The following RBFOX1 variants were observed in gnomAD, a reference collection of about 807,000 sequenced individuals.
RBFOX1 encodes the protein RNA binding fox-1 homolog 1, also known as RNA binding protein fox-1 homolog 1.
In RBFOX1, 8 loss-of-function variants were observed where a neutral mutation model predicts 57.7. That is an observed-to-expected ratio of 0.14 (90% CI 0.08 to 0.25). The LOEUF (loss-of-function observed/expected upper bound fraction) is 0.25, where lower values mean the gene tolerates loss of function less well. Among genes scored for constraint, RBFOX1 ranks in the 10% least tolerant of loss-of-function variants. RBFOX1 has a pLI of 1.00. For synonymous variants in RBFOX1, 326 were observed against 222.4 expected (o/e 1.47, Z -4.15); for missense variants, 611 against 548.5 (o/e 1.11, Z -1.14).
At chr16:7,597,327 C>G (rs2094756733) in intron 8 of RBFOX1, 44 bp from the exon 9 acceptor site, 2 of 1,432,266 alleles carry the variant, frequency 1.4e-6, no homozygotes, top group Non-Finnish European at 9.6e-7. Context: ...GAATTGGGAG[C>G]TGGCCCTAGA....
intron 2 of RBFOX1, among the ~76,000 whole-genome samples, chr16:6,621,843 T>C (rs138034450): frequency 3.9e-5 from 6 of 152,188 alleles, no homozygotes; most frequent in Non-Finnish European, 5.9e-5. Flanking sequence ...ACAAAACCTA[T>C]TGAGAGACGC....
intron 3 of RBFOX1, among the ~76,000 whole-genome samples, chr16:6,815,970 G>T (rs1245824412): frequency 6.6e-6 from 1 of 152,180 alleles, no homozygotes; most frequent in Non-Finnish European, 1.5e-5. Flanking sequence ...TTAATATTAA[G>T]GTTGGCAAAT....
At chr16:6,664,553 C>G (rs151278929) in intron 3 of RBFOX1, among the ~76,000 whole-genome samples, 2 of 152,304 alleles carry the variant, frequency 1.3e-5, no homozygotes, top group East Asian at 3.9e-4. Context: ...TCCTTTTTCT[C>G]TGCTGAGAAG....
At chr16:6,297,304 C>T (rs1374705730) in intron 1 of RBFOX1, among the ~76,000 whole-genome samples, 1 of 152,122 alleles carries the variant, frequency 6.6e-6, no homozygotes, top group South Asian at 2.1e-4. Flanking sequence ...AGGTCTCAGC[C>T]TCATTTTACC....
intron 3 of RBFOX1, among the ~76,000 whole-genome samples, chr16:6,895,416 ATATGTGTGTGTG>A (rs1172603796): frequency 1.0e-4 from 8 of 79,912 alleles, no homozygotes; most frequent in East Asian, 7.8e-4. Flanking sequence ...TGTTAGTAAT[ATATGTGTGTGTG>A]TGTGTGTGTG....
chr16:7,378,930 A>C (rs927060150), intron 4 of RBFOX1, among the ~76,000 whole-genome samples: 9 of 152,230 alleles, frequency 5.9e-5, no homozygotes, highest in Admixed American at 3.3e-4. Context: ...AAGACACAAC[A>C]GGAGAGCACA....
At chr16:5,704,677 T>G (rs925457738) in intron 3 of RBFOX1, among the ~76,000 whole-genome samples, 1 of 152,202 alleles carries the variant, frequency 6.6e-6, no homozygotes, top group Admixed American at 6.5e-5. Context: ...TTTGACATTC[T>G]GAGGTGGCTA....
intron 5 of RBFOX1, among the ~76,000 whole-genome samples, chr16:7,528,277 T>C (rs1425030094): frequency 6.6e-6 from 1 of 152,194 alleles, no homozygotes; most frequent in Non-Finnish European, 1.5e-5. Context: ...TTGTGCTTAT[T>C]CACACCTGTA....
At position 5,403,860 on chromosome 16, in the gene RBFOX1, A is replaced by G. The variant is rs374236977; in HGVS notation, c.220-63356A>G. On this transcript the variant is annotated intron_variant, in intron 1 of 2. Transcript: ENST00000585867. ...AACTTGCAGTTTCAAGAACATGGAG[A>G]ATGAAATATACTGGGGAAAGATAGT... Among the ~76,000 whole-genome samples, 139 of 152,218 alleles carry G rather than the reference A, an allele frequency of 9.1e-4. 3 individuals carry two copies. The South Asian group carries it at 0.028, about 31-fold the overall frequency.
intron 2 of RBFOX1, among the ~76,000 whole-genome samples, chr16:6,561,534 A>G (rs1175538200): frequency 6.6e-6 from 1 of 152,230 alleles, no homozygotes; most frequent in East Asian, 1.9e-4. Flanking sequence ...GAATATGAAC[A>G]CAGTATAAAG....
intron 4 of RBFOX1, among the ~76,000 whole-genome samples, chr16:7,255,773 A>T (rs1014423094): frequency 1.6e-4 from 24 of 152,360 alleles, no homozygotes; most frequent in African/African-American, 5.5e-4. Flanking sequence ...CAATATAGAA[A>T]TATTAACAAT....
At chr16:6,132,974 A>AAAAAGG (rs1567530351) in intron 1 of RBFOX1, among the ~76,000 whole-genome samples, 1 of 148,028 alleles carries the variant, frequency 6.8e-6, no homozygotes, top group African/African-American at 2.6e-5. Context: ...CAAAAAAAAA[A>AAAAAGG]AAAAGAAAAG....
chr16:6,552,947 C>G (rs1868503906), intron 2 of RBFOX1, among the ~76,000 whole-genome samples: 1 of 151,966 alleles, frequency 6.6e-6, no homozygotes, highest in Non-Finnish European at 1.5e-5. Context: ...ACAATCTTTT[C>G]TAATTAAAAA....
chr16:6,216,388 A>C (rs1805475470), intron 1 of RBFOX1, among the ~76,000 whole-genome samples: 1 of 152,104 alleles, frequency 6.6e-6, no homozygotes, highest in South Asian at 2.1e-4. Context: ...CAGGCATGAG[A>C]CCATCACGAT....
At chr16:5,737,542 T>A (rs1393774252) in intron 3 of RBFOX1, among the ~76,000 whole-genome samples, 11 of 135,630 alleles carry the variant, frequency 8.1e-5, no homozygotes, top group African/African-American at 3.0e-4. Flanking sequence ...TTTTTTTTTT[T>A]GCCTGTCCAT....
chr16:6,940,575 G>A (rs2078202313), intron 3 of RBFOX1, among the ~76,000 whole-genome samples: 1 of 152,150 alleles, frequency 6.6e-6, no homozygotes, highest in Non-Finnish European at 1.5e-5. Context: ...GCAAAAAATT[G>A]GGTATTCAGG....
intron 4 of RBFOX1, among the ~76,000 whole-genome samples, chr16:7,401,372 A>C (rs2098240434): frequency 6.6e-6 from 1 of 152,208 alleles, no homozygotes; most frequent in Admixed American, 6.5e-5. Flanking sequence ...GTTGTTCCAG[A>C]CTTTTCTCTG....
intron 2 of RBFOX1, among the ~76,000 whole-genome samples, chr16:6,398,315 C>G (rs935177017): frequency 3.3e-5 from 5 of 152,116 alleles, no homozygotes; most frequent in Non-Finnish European, 5.9e-5. Flanking sequence ...TGGTCCTTTC[C>G]AAATCTCATG....
intron 4 of RBFOX1, among the ~76,000 whole-genome samples, chr16:7,303,255 C>A (rs947217776): frequency 6.6e-6 from 1 of 152,248 alleles, no homozygotes; most frequent in Non-Finnish European, 1.5e-5. Flanking sequence ...GGGGGTGCAT[C>A]GGCGCTTCGG....
Sources: gnomAD v4.1 joint callset for allele counts (sites outside exome capture counted in the v4.1 genomes callset) on GRCh38, gnomAD v4.1.1 for gene constraint, MANE v1.5 for transcripts, NCBI Gene and HGNC (gene_info 2026-07-23, HGNC 2026-07-21) for gene names.